MTCL3: variants seen among roughly 807,000 people sequenced by gnomAD.
MTCL3 encodes the protein microtubule cross-linking factor 3.
the MTCL3 span, among the ~76,000 whole-genome samples, chr6:127,505,473 T>C: frequency 2.0e-5 from 3 of 152,224 alleles, no homozygotes; most frequent in East Asian, 1.9e-4. Context: ...ATGATGAGAA[T>C]ACCTTGACAC....
At chr6:127,503,901 C>A in the MTCL3 span, among the ~76,000 whole-genome samples, 1 of 152,058 alleles carries the variant, frequency 6.6e-6, no homozygotes, top group East Asian at 1.9e-4. Context: ...GCATGAAACA[C>A]CTTGCTTAAT....
chr6:127,516,775 CATTTGGATGGCGCTTA>C, the MTCL3 span: 1 of 1,248,328 alleles, frequency 8.0e-7, no homozygotes, highest in Non-Finnish European at 1.1e-6. Flanking sequence ...GATATTGCTC[CATTTGGATGGCGCTTA>C]ATAGAAGCTT....
At chr6:127,481,174 G>T in the MTCL3 span, 13 of 555,116 alleles carry the variant, frequency 2.3e-5, no homozygotes, top group Non-Finnish European at 2.7e-5. Context: ...TGGTTGAAAA[G>T]AATAAATAAA....
At chr6:127,479,835 C>T in the MTCL3 span, among the ~76,000 whole-genome samples, 1 of 152,144 alleles carries the variant, frequency 6.6e-6, no homozygotes, top group African/African-American at 2.4e-5. Context: ...GCCAATATGC[C>T]TTGCATCCTG....
At chr6:127,516,555 A>T in the MTCL3 span, 1 of 1,598,042 alleles carries the variant, frequency 6.3e-7, no homozygotes, top group Non-Finnish European at 8.5e-7. Flanking sequence ...CAGTGGCTGC[A>T]GCGGCGGGAG....
At chr6:127,512,835 T>C in the MTCL3 span, 1 of 1,500,884 alleles carries the variant, frequency 6.7e-7, no homozygotes, top group Non-Finnish European at 9.0e-7. Context: ...GTCCTTGGGA[T>C]TCTTTTTTAA....
chr6:127,516,234 G>A, the MTCL3 span: 5 of 1,433,634 alleles, frequency 3.5e-6, no homozygotes, highest in Admixed American at 8.8e-5. Context: ...TCGCGGCGGG[G>A]GCCGCTTCAG....
At chr6:127,516,433 A>T in the MTCL3 span, 2 of 1,600,068 alleles carry the variant, frequency 1.2e-6, no homozygotes, top group Admixed American at 3.3e-5. Context: ...GCCGGCCCCC[A>T]CTGGGGACCG....
At chr6:127,475,201 C>A in the MTCL3 span, 10 of 1,373,446 alleles carry the variant, frequency 7.3e-6, no homozygotes, top group Middle Eastern at 1.1e-3. This position sits in a 1 kb window ranked among gnomAD's most constrained non-coding sequence, Gnocchi z 7.3. Flanking sequence ...TCAAGCGGGG[C>A]GCGGCAGTCC....
the MTCL3 span, chr6:127,516,670 C>A: frequency 6.5e-7 from 1 of 1,535,128 alleles, no homozygotes; most frequent in Non-Finnish European, 8.7e-7. Flanking sequence ...TCATCCTCTT[C>A]CCTCTTCACC....
At chr6:127,473,332 G>GT in the MTCL3 span, 1 of 1,544,380 alleles carries the variant, frequency 6.5e-7, no homozygotes, top group Non-Finnish European at 8.7e-7. Flanking sequence ...ATATTGTTGT[G>GT]TAAGAAAGTG....
the MTCL3 span, among the ~76,000 whole-genome samples, chr6:127,490,974 G>A: frequency 6.6e-6 from 1 of 152,190 alleles, no homozygotes; most frequent in Non-Finnish European, 1.5e-5. Context: ...TAAATGTGGT[G>A]ACAATAGCAA....
the MTCL3 span, among the ~76,000 whole-genome samples, chr6:127,490,554 C>A: frequency 2.6e-5 from 4 of 151,876 alleles, no homozygotes; most frequent in African/African-American, 9.7e-5. Context: ...CGCAGTGGCT[C>A]ACGCCTGTAA....
At chr6:127,510,847 A>G in the MTCL3 span, among the ~76,000 whole-genome samples, 1 of 152,188 alleles carries the variant, frequency 6.6e-6, no homozygotes, top group East Asian at 1.9e-4. Context: ...CCTCCCTGTC[A>G]AATTCATATA....
the MTCL3 span, among the ~76,000 whole-genome samples, chr6:127,473,640 A>AT: frequency 6.6e-6 from 1 of 152,164 alleles, no homozygotes. Context: ...ATAAAACGAT[A>AT]TTTTTCATAG....
chr6:127,484,242 C>T, the MTCL3 span, among the ~76,000 whole-genome samples: 2 of 152,132 alleles, frequency 1.3e-5, no homozygotes, highest in South Asian at 2.1e-4. Context: ...TAAAGGCATA[C>T]GTTCAAGCAC....
chr6:127,515,836 A>G, the MTCL3 span: 2 of 1,610,394 alleles, frequency 1.2e-6, no homozygotes, highest in Non-Finnish European at 1.7e-6. This position sits in a 1 kb window ranked among gnomAD's most constrained non-coding sequence, Gnocchi z 4.3. Flanking sequence ...ATGGAACTGG[A>G]TGAGCTCAGA....
chr6:127,497,221 T>C, the MTCL3 span, among the ~76,000 whole-genome samples: 32,460 of 152,090 alleles, frequency 0.21, 5,138 homozygotes, highest in East Asian at 0.64. Flanking sequence ...ATCAATCAGG[T>C]AGCTAAAACT....
the MTCL3 span, among the ~76,000 whole-genome samples, chr6:127,480,711 G>T: frequency 1.3e-5 from 2 of 152,184 alleles, no homozygotes; most frequent in Non-Finnish European, 2.9e-5. Context: ...TAGGAGAGAT[G>T]AATGCATAAA....
Sources: allele counts gnomAD v4.1 joint callset (sites outside exome capture counted in the v4.1 genomes callset), GRCh38; gene constraint gnomAD v4.1.1; non-coding constraint Gnocchi (gnomAD v3.1); transcripts MANE v1.5; gene names NCBI Gene and HGNC (gene_info 2026-07-23, HGNC 2026-07-21).